Variants in PLCXD1 observed in about 807,000 individuals in gnomAD.
PLCXD1 encodes the protein phosphatidylinositol specific phospholipase C X domain containing 1, also known as PI-PLC X domain-containing protein 1.
Under a neutral mutation model 37.8 loss-of-function variants are expected in PLCXD1, and 45 were observed. The observed-to-expected ratio is 1.19, with a 90% confidence interval of 0.94 to 1.53. The LOEUF (loss-of-function observed/expected upper bound fraction) is 1.53, where lower values mean the gene tolerates loss of function less well. PLCXD1 is among the 40% of genes most tolerant of loss of function. The probability of loss-of-function intolerance (pLI) is 0.00; values close to 1 mark genes in which losing one functional copy is unlikely to be tolerated. For missense variants in PLCXD1, 539 were observed against 454.7 expected (o/e 1.19, Z -1.69); for synonymous variants, 246 against 206.9 (o/e 1.19, Z -1.62).
At chrX:293,450 C>T (rs2069704013) in intron 6 of PLCXD1, among the ~76,000 whole-genome samples, 1 of 152,142 alleles carries the variant, frequency 6.6e-6, no homozygotes, top group Non-Finnish European at 1.5e-5. Context: ...ATAGTGAGAC[C>T]CCAACTTTAC....
intron 5 of PLCXD1, 73 bp downstream of exon 5, chrX:291,727 T>C: frequency 6.7e-7 from 1 of 1,484,866 alleles, no homozygotes; most frequent in Non-Finnish European, 9.4e-7. Flanking sequence ...CCATTTGCTG[T>C]GCCCTGGGTG....
chrX:283,860 T>C, intron 1 of PLCXD1: 1 of 199,944 alleles, frequency 5.0e-6, no homozygotes, highest in Non-Finnish European at 1.0e-5. Flanking sequence ...AAGGACCCCT[T>C]TTCCTCTCTC....
rs1385321944 is a variant in PLCXD1 at position 290,886 on chromosome X, C to T, written c.393+110C>T. ...AGCAAGGGGGACAGCGGGAGGCGGC[C>T]GGGCACTGGTGCAGGTGCGGCCGGG... On this transcript the variant is annotated intron_variant, in intron 4 of 6. Transcript: ENST00000381657. 3.4e-5 allele frequency: 11 copies of T among 323,156 alleles called. 2 individuals are homozygous for T. The highest frequency in any genetic ancestry group is 5.7e-5 in the Non-Finnish European group (11 of 192,206). The allele number at this position is 323,156 out of a possible 1,614,324, so 20.0% of individuals were successfully genotyped here. A position where few individuals can be genotyped will look rare whatever the true frequency, so the allele number is the denominator to read the frequency against.
At chrX:290,880 GGCGGCCGGGCACTGGTGCAGGT>G (rs1379968299) in intron 4 of PLCXD1, 104 bp downstream of exon 4, 1 of 365,080 alleles carries the variant, frequency 2.7e-6, no homozygotes, top group African/African-American at 3.6e-5. Context: ...GACAGCGGGA[GGCGGCCGGGCACTGGTGCAGGT>G]GCGGCCGGGC....
At chrX:277,469 G>A (rs1332913854), upstream of PLCXD1, among the ~76,000 whole-genome samples, 13 of 868 alleles carry the variant, frequency 0.015, no homozygotes, top group Non-Finnish European at 0.025. Flanking sequence ...AGGGGACCTG[G>A]GATGTGAGGG....
intron 2 of PLCXD1, 25 bp downstream of exon 2, chrX:284,339 C>A (rs780946269): frequency 6.2e-7 from 1 of 1,611,836 alleles, no homozygotes; most frequent in East Asian, 2.2e-5. Context: ...GGGCAGGGGC[C>A]GTTGCCTCTA....
intron 6 of PLCXD1, among the ~76,000 whole-genome samples, chrX:295,475 A>C (rs2069774282): frequency 6.6e-6 from 1 of 151,406 alleles, no homozygotes; most frequent in African/African-American, 2.4e-5. Flanking sequence ...GGTTTTTTCA[A>C]CTTGGTCTCT....
Position 284,074 on chromosome X carries a change from A to G in PLCXD1, c.-21-93A>G, listed in dbSNP as rs2069365745. 3.2e-6 allele frequency: 3 copies of G among 949,944 alleles called. No individual in the cohort carries two copies. The South Asian group carries it at 4.4e-5, about 14-fold the overall frequency. The allele number at this position is 949,944 out of a possible 1,614,324, so 58.8% of individuals were successfully genotyped here. On this transcript the variant is annotated intron_variant, in intron 1 of 6. Transcript: ENST00000381657. ...CCCAGCTAATTTTTGTATTTTTAGTAGAGATGGGGTTTTGTCAAGTTGGCC... is the reference window on the plus strand; with the variant it reads ...CCCAGCTAATTTTTGTATTTTTAGTGGAGATGGGGTTTTGTCAAGTTGGCC...
rs1311346166 is a variant in PLCXD1, at chrX:300,593, CATGTAT to C, written c.*1263_*1268del. 4.7e-5 allele frequency: 7 copies of C among 149,630 alleles called. No homozygotes were observed. The highest frequency in any genetic ancestry group is 1.3e-4 in the Admixed American group (2 of 14,988). The allele number at this position is 149,630 out of a possible 1,614,324, so 9.3% of individuals were successfully genotyped here. ...ATGTGTACATGTATATGTGTTTATA[CATGTAT>C]ATGTGTGTATGCGTGTATACGTGTA... On this transcript the variant is annotated 3_prime_UTR_variant, in exon 7 of 7. Coordinates refer to ENST00000381657, the MANE Select transcript of PLCXD1 (RefSeq NM_018390.4).
intron 2 of PLCXD1, 92 bp from the exon 3 acceptor site, chrX:288,618 TGCCTGTGCTGTGGGCGGGCAGCA>T (rs1374272998): frequency 1.2e-5 from 13 of 1,119,264 alleles, no homozygotes; most frequent in East Asian, 2.4e-5. Flanking sequence ...GCCATACCTG[TGCCTGTGCTGTGGGCGGGCAGCA>T]GCCTGTGCTG....
chrX:299,495 T>C lies in PLCXD1; in HGVS notation c.*160T>C. ...AGATGGGGTGGCTGGGCGTGGTGAC[T>C]TCGCCTGTCTTCCCAGCACTTTGGG... On this transcript the variant is annotated 3_prime_UTR_variant, in exon 7 of 7. Coordinates refer to ENST00000381657, the MANE Select transcript of PLCXD1 (RefSeq NM_018390.4). The C allele has an allele frequency of 1.5e-6, 1 of 647,102 alleles. No homozygotes were observed. Among genetic ancestry groups the C allele is most frequent in the Middle Eastern group, 4.3e-4 (1 of 2,350 alleles). 40.1% of individuals were successfully genotyped at this position (647,102 alleles called of 1,614,324 possible).
intron 3 of PLCXD1, among the ~76,000 whole-genome samples, chrX:289,188 A>G (rs374326206): frequency 5.7e-4 from 86 of 151,926 alleles, no homozygotes; most frequent in African/African-American, 2.0e-3. Context: ...CCTGGGTTCA[A>G]GCGATTCTCC....
chrX:284,311 C>T lies in PLCXD1; in HGVS notation c.124C>T (p.Pro42Ser). The change falls in exon 2 of 7, where the codon CCA (proline) becomes TCA (serine). Residue 42 changes from proline to serine, a missense_variant. Pro to Ser is a moderately conservative substitution (Grantham distance 74). Transcript: ENST00000381657. ...WDVPLHHLSIPGSHDTMTYCL... is the reference protein window; with the variant it reads ...WDVPLHHLSISGSHDTMTYCL... ...TGTGCCCCTCCACCACCTCTCCATC[C>T]CAGGTGAGGTTGGGGTGGGGCAGGG... 1 of 1,613,078 alleles carries T rather than the reference C, an allele frequency of 6.2e-7. No individual in the cohort carries two copies. The highest frequency in any genetic ancestry group is 8.5e-7 in the Non-Finnish European group (1 of 1,179,824).
chrX:296,899 C>T (rs1207686766), intron 6 of PLCXD1, among the ~76,000 whole-genome samples: 335 of 130,836 alleles, frequency 2.6e-3, no homozygotes, highest in African/African-American at 7.8e-3. Flanking sequence ...GGGATTAGGA[C>T]GTGGACATCT....
intron 3 of PLCXD1, among the ~76,000 whole-genome samples, chrX:290,222 T>C (rs1163544119): frequency 1.3e-5 from 2 of 151,828 alleles, no homozygotes; most frequent in Non-Finnish European, 2.9e-5. Context: ...GGTCAGGAGA[T>C]CGAGACCGTC....
At chrX:291,338 G>C (rs538179100) in intron 4 of PLCXD1, among the ~76,000 whole-genome samples, 161 bp from the exon 5 acceptor site, 2 of 152,112 alleles carry the variant, frequency 1.3e-5, no homozygotes, top group African/African-American at 4.8e-5. Flanking sequence ...TAGATACGGG[G>C]TTTCACCATG....
At chrX:276,509 C>A (rs1172401523), upstream of PLCXD1, 1 of 152,260 alleles carries the variant, frequency 6.6e-6, no homozygotes, top group Non-Finnish European at 1.5e-5. Flanking sequence ...GTCATTGAGG[C>A]TCCTTCTCCT....
At position 300,486 on chromosome X, in the gene PLCXD1, G is replaced by A. The variant is rs1295263585; in HGVS notation, c.*1151G>A. ...TATGTGTGTGTGTGTGTGTATATGT[G>A]TGTATGTGTGTATATATGTATATGT... On this transcript the variant is annotated 3_prime_UTR_variant, in exon 7 of 7. Coordinates refer to ENST00000381657, the MANE Select transcript of PLCXD1 (RefSeq NM_018390.4). 1 of 122,396 alleles carries A rather than the reference G, an allele frequency of 8.2e-6. No homozygotes were observed. Among genetic ancestry groups the A allele is most frequent in the Non-Finnish European group, 1.8e-5 (1 of 55,132 alleles). The allele number at this position is 122,396 out of a possible 1,614,324, so 7.6% of individuals were successfully genotyped here. A position where few individuals can be genotyped will look rare whatever the true frequency, so the allele number is the denominator to read the frequency against.
rs2124418305 is a variant in PLCXD1, at chrX:300,665, TATAC to T, written c.*1334_*1337del. The T allele has an allele frequency of 6.6e-6, 1 of 152,220 alleles. No homozygotes were observed. Among genetic ancestry groups the T allele is most frequent in the African/African-American group, 2.4e-5 (1 of 41,524 alleles). The allele number at this position is 152,220 out of a possible 1,614,324, so 9.4% of individuals were successfully genotyped here. A position where few individuals can be genotyped will look rare whatever the true frequency, so the allele number is the denominator to read the frequency against. On this transcript the variant is annotated 3_prime_UTR_variant, in exon 7 of 7. Coordinates refer to ENST00000381657, the MANE Select transcript of PLCXD1 (RefSeq NM_018390.4). ...GTGTGTATGCGTGTATATACACACG[TATAC>T]ATATATACGTGCGTGTGTATGTGTA...
Sources: gnomAD v4.1 joint callset for allele counts (sites outside exome capture counted in the v4.1 genomes callset) on GRCh38, gnomAD v4.1.1 for gene constraint, MANE v1.5 for transcripts, NCBI Gene and HGNC (gene_info 2026-07-23, HGNC 2026-07-21) for gene names.